Variants in TRHDE observed in about 807,000 individuals in gnomAD.
TRHDE encodes the protein thyrotropin-releasing hormone-degrading ectoenzyme.
Under a neutral mutation model 125.7 loss-of-function variants are expected in TRHDE, and 72 were observed. That is an observed-to-expected ratio of 0.57 (90% CI 0.47 to 0.70). The LOEUF is 0.70. Ranked by LOEUF, TRHDE falls within the 30% of genes least tolerant of loss-of-function variation. The pLI, the probability that TRHDE is intolerant of heterozygous loss-of-function variation, is 0.00. For missense variants in TRHDE, 1,110 were observed against 1,327.1 expected (o/e 0.84, Z 2.54); for synonymous variants, 509 against 509.1 (o/e 1.00, Z 0.00).
intron 3 of TRHDE, among the ~76,000 whole-genome samples, chr12:72,458,888 G>T (rs1427965657): frequency 1.3e-5 from 2 of 151,946 alleles, no homozygotes; most frequent in African/African-American, 2.4e-5. Flanking sequence ...CAGAATAATG[G>T]TAATAATTAT....
intron 17 of TRHDE, among the ~76,000 whole-genome samples, chr12:72,655,017 T>A (rs748075207): frequency 6.6e-6 from 1 of 152,198 alleles, no homozygotes; most frequent in Admixed American, 6.5e-5. Context: ...CAGCGTCTTG[T>A]TCTTCAATCT....
In TRHDE at chr12:72,656,958, C is replaced by G. The variant is rs1266766111; in HGVS notation, c.3016C>G (p.Leu1006Val). ...YGEALFMNSK[L>V]ISGVTEFLNT... is the part of the protein sequence containing the mutation. ...AGAAGCATTGTTTATGAATTCCAAA[C>G]TCATCAGTGGTGTCACAGAATTTCT... The change falls in exon 18 of 19, where the codon CTC (leucine) becomes GTC (valine). Residue 1006 changes from leucine to valine, a missense_variant. Coordinates refer to ENST00000261180, the MANE Select transcript of TRHDE (RefSeq NM_013381.3). 1.2e-6 allele frequency: 2 copies of G among 1,610,892 alleles called. No individual in the cohort carries two copies. The highest frequency in any genetic ancestry group is 2.7e-5 in the African/African-American group (2 of 74,758).
chr12:72,565,860 A>T (rs7955871), intron 9 of TRHDE, among the ~76,000 whole-genome samples: 1 of 151,836 alleles, frequency 6.6e-6, no homozygotes, highest in South Asian at 2.1e-4. Flanking sequence ...AGAAAAAAAT[A>T]TCTTGATGGG....
At chr12:72,650,775 A>G (rs1323777942) in intron 15 of TRHDE, among the ~76,000 whole-genome samples, 3 of 152,100 alleles carry the variant, frequency 2.0e-5, no homozygotes. Flanking sequence ...GCCTATAAAT[A>G]TACAGAGGAA....
chr12:72,663,106 G>T lies in TRHDE; in HGVS notation c.3121G>T (p.Ala1041Ser). Residue 1041 changes from alanine (A) to serine (S), a missense_variant, in exon 19 of 19, where the codon GCT becomes TCT. By Grantham distance (99) the Ala-to-Ser change is moderately conservative. Around this residue, in one of 5 missense-constraint regions of TRHDE, gnomAD observed 527 missense variants for 651.8 expected, o/e 0.81. Coordinates refer to ENST00000261180, the MANE Select transcript of TRHDE (RefSeq NM_013381.3). ...GGTAGCTGCTGCTTCTTTCTCACGA[G>T]CTGTGGAAACTGTCGAAGCCAATGT... is the stretch of plus-strand genomic sequence containing the variant. ...DGVAAASFSR[A>S]VETVEANVRW... 1.2e-6 allele frequency: 2 copies of T among 1,613,104 alleles called. No homozygotes were observed. Among genetic ancestry groups the T allele is most frequent in the Non-Finnish European group, 1.7e-6 (2 of 1,179,470 alleles).
At chr12:72,242,770 A>T (rs35477637) in intron 2 of TRHDE, among the ~76,000 whole-genome samples, 34,200 of 152,128 alleles carry the variant, frequency 0.22, 4,588 homozygotes, top group South Asian at 0.33. Context: ...ACTCAAGTAG[A>T]TACTTGCATT....
chr12:72,200,812 G>A (rs1206230303), intron 2 of TRHDE, among the ~76,000 whole-genome samples: 1 of 152,124 alleles, frequency 6.6e-6, no homozygotes, highest in Admixed American at 6.5e-5. Flanking sequence ...AAACAAAAAA[G>A]TAAACAAGCT....
intron 2 of TRHDE, among the ~76,000 whole-genome samples, chr12:72,372,564 G>A (rs1381075080): frequency 6.6e-6 from 1 of 152,150 alleles, no homozygotes; most frequent in African/African-American, 2.4e-5. Flanking sequence ...ATTAATTTTT[G>A]TATAAGGTGT....
intron 5 of TRHDE, among the ~76,000 whole-genome samples, chr12:72,483,695 C>T (rs995512103): frequency 2.0e-5 from 3 of 151,822 alleles, no homozygotes; most frequent in South Asian, 2.1e-4. Context: ...CTGGGCTCTT[C>T]GTACTCTATA....
chr12:72,594,744 C>A (rs955375301), intron 12 of TRHDE, among the ~76,000 whole-genome samples: 1 of 151,916 alleles, frequency 6.6e-6, no homozygotes, highest in African/African-American at 2.4e-5. Context: ...TAACATTTGA[C>A]CCAGCCATCC....
At chr12:72,485,778 A>G (rs1157226902) in intron 5 of TRHDE, among the ~76,000 whole-genome samples, 1 of 152,022 alleles carries the variant, frequency 6.6e-6, no homozygotes, top group African/African-American at 2.4e-5. Context: ...GGAGAATCAG[A>G]GCTTTGGCTG....
At chr12:72,241,844 C>T (rs796453895) in intron 2 of TRHDE, among the ~76,000 whole-genome samples, 18 of 152,088 alleles carry the variant, frequency 1.2e-4, no homozygotes, top group Non-Finnish European at 8.8e-5. Flanking sequence ...TTTTTTTCAA[C>T]GTAGTCATTC....
rs139982917 is a variant in TRHDE, at chr12:72,131,695, C to T, written n.279+25943C>T. 7.9e-3 allele frequency among the ~76,000 whole-genome samples: 1,207 copies of T among 152,314 alleles called. 9 individuals carry two copies. The highest frequency in any genetic ancestry group is 0.012 in the Non-Finnish European group (837 of 68,028). ...CAGCTCTTTTGAGATTTGCCAGGCT[C>T]TGCTCCATATCATTCTAAAATCCCA... On this transcript the variant is annotated intron_variant and non_coding_transcript_variant, in intron 2 of 4. Transcript: ENST00000548156.
chr12:72,467,759 G>A (rs561813061), intron 3 of TRHDE, among the ~76,000 whole-genome samples: 21 of 152,304 alleles, frequency 1.4e-4, no homozygotes, highest in Admixed American at 1.2e-3. Context: ...AGGTTGCGGT[G>A]AGCCGAGATC....
At chr12:72,356,739 G>A (rs1214613628) in intron 2 of TRHDE, among the ~76,000 whole-genome samples, 3 of 151,328 alleles carry the variant, frequency 2.0e-5, no homozygotes, top group Non-Finnish European at 4.4e-5. Flanking sequence ...GTGATGGATT[G>A]GATTTGGGAT....
chr12:72,368,795 C>T (rs1871447562), intron 2 of TRHDE, among the ~76,000 whole-genome samples: 1 of 152,116 alleles, frequency 6.6e-6, no homozygotes, highest in African/African-American at 2.4e-5. Flanking sequence ...ATAATTAATT[C>T]AAATCTATCT....
At chr12:72,478,685 A>G (rs1307187245) in intron 5 of TRHDE, among the ~76,000 whole-genome samples, 3 of 152,126 alleles carry the variant, frequency 2.0e-5, no homozygotes, top group Non-Finnish European at 4.4e-5. Context: ...AGGATATAAG[A>G]GCAGCAATGA....
rs148480995 is a variant in TRHDE, at chr12:72,197,168, C to T, written n.279+91416C>T. Among the ~76,000 whole-genome samples, 166 of 152,202 alleles carry T rather than the reference C, an allele frequency of 1.1e-3. 2 individuals carry two copies. Among genetic ancestry groups the T allele is most frequent in the African/African-American group, 3.9e-3 (161 of 41,530 alleles). On this transcript the variant is annotated intron_variant and non_coding_transcript_variant, in intron 2 of 4. Transcript: ENST00000548156. ...TGCCATCACAATTTCCATTTTCTTC[C>T]TACCTCATTGGTAGCTCCTTCTCAG... is the stretch of plus-strand genomic sequence containing the variant.
At chr12:72,302,234 ATGTGTGTGTGTATGTGTGTGTGTG>A (rs928482220) in intron 2 of TRHDE, among the ~76,000 whole-genome samples, 1 of 84,156 alleles carries the variant, frequency 1.2e-5, no homozygotes, top group African/African-American at 4.2e-5. Flanking sequence ...ATTATTATCT[ATGTGTGTGTGTATGTGTGTGTGTG>A]TGTGTGTGTG....
Sources: allele counts gnomAD v4.1 joint callset (sites outside exome capture counted in the v4.1 genomes callset), GRCh38; gene constraint gnomAD v4.1.1; regional missense constraint gnomAD v4.1.1; transcripts MANE v1.5; gene names NCBI Gene and HGNC (gene_info 2026-07-23, HGNC 2026-07-21).